The following BRD4 variants were observed in gnomAD, a reference collection of about 807,000 sequenced individuals.
The protein encoded by BRD4 is bromodomain containing 4.
In BRD4, 16 loss-of-function variants were observed where a neutral mutation model predicts 142.1. The observed-to-expected ratio is 0.11, with a 90% CI of 0.08 to 0.17. The LOEUF is 0.17. Ranked by LOEUF, BRD4 falls within the 10% of genes least tolerant of loss-of-function variation. BRD4 has a pLI of 1.00. For synonymous variants in BRD4, 833 were observed against 707.5 expected (o/e 1.18, Z -2.82); for missense variants, 1,424 against 1,810.9 (o/e 0.79, Z 3.88).
intron 1 of BRD4, among the ~76,000 whole-genome samples, chr19:15,323,243 T>C (rs1319585084): frequency 6.9e-6 from 1 of 144,266 alleles, no homozygotes; most frequent in Non-Finnish European, 1.5e-5. Flanking sequence ...TGATCAAATT[T>C]CTCTGGAATC....
chr19:15,307,472 G>A (rs1373393920), intron 1 of BRD4, among the ~76,000 whole-genome samples: 2 of 152,116 alleles, frequency 1.3e-5, no homozygotes, highest in East Asian at 3.9e-4. Flanking sequence ...AGTCACAGTG[G>A]TACTCATCTG....
At chr19:15,272,214 A>G (rs2047595812) in intron 2 of BRD4, among the ~76,000 whole-genome samples, 1 of 152,162 alleles carries the variant, frequency 6.6e-6, no homozygotes, top group Non-Finnish European at 1.5e-5. Context: ...ACAAAAGCAC[A>G]AGAGCAAGTG....
At chr19:15,248,790 G>A (rs1250188237) in intron 11 of BRD4, 1 of 244,410 alleles carries the variant, frequency 4.1e-6, no homozygotes, top group African/African-American at 2.2e-5. Context: ...AGGTCAGAGT[G>A]TTCTTCCGCA....
chr19:15,276,686 A>C (rs2047650433), intron 1 of BRD4, among the ~76,000 whole-genome samples: 1 of 152,184 alleles, frequency 6.6e-6, no homozygotes, highest in South Asian at 2.1e-4. Flanking sequence ...CTTCCAGCTC[A>C]ATCTCAAAGC....
chr19:15,308,115 CAAAA>C (rs57642262), intron 1 of BRD4, among the ~76,000 whole-genome samples: 2 of 21,180 alleles, frequency 9.4e-5, no homozygotes, highest in South Asian at 3.5e-3. Flanking sequence ...GACTCCGTCT[CAAAA>C]AAAAAAAAAA....
intron 11 of BRD4, among the ~76,000 whole-genome samples, chr19:15,251,710 C>T (rs2047349200): frequency 6.6e-6 from 1 of 152,164 alleles, no homozygotes; most frequent in African/African-American, 2.4e-5. Flanking sequence ...GGTGTGGGTT[C>T]CCATTTCGGG....
chr19:15,316,735 GTTT>G (rs762780900), intron 1 of BRD4, among the ~76,000 whole-genome samples: 2 of 152,244 alleles, frequency 1.3e-5, no homozygotes, highest in Non-Finnish European at 1.5e-5. Flanking sequence ...GGGAAGCACT[GTTT>G]TTACTGACCA....
chr19:15,276,221 G>C (rs2047644856), intron 1 of BRD4, among the ~76,000 whole-genome samples: 1 of 152,146 alleles, frequency 6.6e-6, no homozygotes, highest in Non-Finnish European at 1.5e-5. Flanking sequence ...AGAAACATGA[G>C]GAAAACCAAC....
At chr19:15,322,815 T>C (rs1305871542) in intron 1 of BRD4, among the ~76,000 whole-genome samples, 2 of 142,482 alleles carry the variant, frequency 1.4e-5, no homozygotes, top group East Asian at 4.1e-4. Flanking sequence ...TGCAGTGAGC[T>C]GAGACTGCGC....
At chr19:15,313,314 C>T (rs8104406) in intron 1 of BRD4, among the ~76,000 whole-genome samples, 3 of 147,236 alleles carry the variant, frequency 2.0e-5, no homozygotes, top group Non-Finnish European at 3.0e-5. Context: ...CGGAGCTTGC[C>T]GTAAGCCAAT....
intron 1 of BRD4, among the ~76,000 whole-genome samples, chr19:15,330,377 G>A (rs2048146572): frequency 1.3e-5 from 2 of 152,196 alleles, no homozygotes; most frequent in South Asian, 4.1e-4. Context: ...AAGTTTTTGG[G>A]GGGAAGCGCT....
chr19:15,310,541 G>C (rs1455313784), intron 1 of BRD4, among the ~76,000 whole-genome samples: 2 of 151,714 alleles, frequency 1.3e-5, no homozygotes, highest in African/African-American at 4.8e-5. Context: ...CTTCTATTTT[G>C]AGTCGAGACA....
At chr19:15,255,721 A>T (rs2047401277) in intron 9 of BRD4, 129 bp from the exon 10 acceptor site, 5 of 1,234,778 alleles carry the variant, frequency 4.0e-6, no homozygotes, top group Non-Finnish European at 5.5e-6. Flanking sequence ...CCTTCACAGG[A>T]AACGGGGCAT....
At chr19:15,315,146 G>A (rs1429301806) in intron 1 of BRD4, among the ~76,000 whole-genome samples, 1 of 151,904 alleles carries the variant, frequency 6.6e-6, no homozygotes, top group Admixed American at 6.5e-5. Context: ...TCTCTGGACT[G>A]GCTTTGTTTT....
intron 1 of BRD4, among the ~76,000 whole-genome samples, chr19:15,314,342 T>C (rs2145718079): frequency 6.6e-6 from 1 of 152,286 alleles, no homozygotes. Context: ...TTAAACATGA[T>C]ACTTATCTAG....
At chr19:15,256,025 G>A (rs1178089598) in intron 9 of BRD4, 39 bp downstream of exon 9, 1 of 1,605,760 alleles carries the variant, frequency 6.2e-7, no homozygotes, top group African/African-American at 1.3e-5. Context: ...AGCCCTGGAA[G>A]GAGGGTCCCC....
In BRD4 at chr19:15,237,013, A is replaced by T. The variant is rs2047196880; in HGVS notation, c.*1364T>A. 1.5e-5 allele frequency: 3 copies of T among 204,228 alleles called. No individual in the cohort carries two copies. In the Admixed American group the frequency reaches 1.8e-4, roughly 12 times the overall value. 12.7% of individuals were successfully genotyped at this position (204,228 alleles called of 1,614,324 possible). ...ACCTCACCAGGGGCTCCAATTATAAAAATTAAAAAAAAAAAAAAAAAAAAG... is the reference window on the plus strand; with the variant it reads ...ACCTCACCAGGGGCTCCAATTATAATAATTAAAAAAAAAAAAAAAAAAAAG... On this transcript the variant is annotated 3_prime_UTR_variant, in exon 20 of 20. Transcript: ENST00000679869.
At chr19:15,313,988 G>A (rs748925978) in intron 1 of BRD4, among the ~76,000 whole-genome samples, 1 of 152,164 alleles carries the variant, frequency 6.6e-6, no homozygotes, top group Non-Finnish European at 1.5e-5. Context: ...AAGAATCTCT[G>A]CCTTAGGAAC....
chr19:15,255,232 G>A (rs2145569368), intron 10 of BRD4, 65 bp downstream of exon 10: 10 of 1,482,962 alleles, frequency 6.7e-6, no homozygotes, highest in South Asian at 2.5e-5. Flanking sequence ...GACTGAGCAA[G>A]GAGGGAAAAG....
Sources: gnomAD v4.1 joint callset for allele counts (sites outside exome capture counted in the v4.1 genomes callset) on GRCh38, gnomAD v4.1.1 for gene constraint, MANE v1.5 for transcripts, NCBI Gene and HGNC (gene_info 2026-07-23, HGNC 2026-07-21) for gene names.